KMT2B: variants seen among roughly 807,000 people sequenced by gnomAD.
The protein encoded by KMT2B is histone-lysine N-methyltransferase 2B.
In KMT2B, 22 loss-of-function variants were observed where a neutral mutation model predicts 255.3. The ratio of observed to expected loss-of-function variants is 0.09; its 90% CI spans 0.06 to 0.12. The LOEUF is 0.12. KMT2B is among the 10% of genes least tolerant of loss of function. KMT2B has a pLI of 1.00. For synonymous variants in KMT2B, 1,730 were observed against 1,498.1 expected (o/e 1.15, Z -3.57); for missense variants, 3,149 against 3,737.0 (o/e 0.84, Z 4.10).
At chr19:35,736,856 G>A (rs1568384837) in intron 31 of KMT2B, 29 bp downstream of exon 31, 1 of 1,613,936 alleles carries the variant, frequency 6.2e-7, no homozygotes, top group Admixed American at 1.7e-5. Context: ...GTGGCAGGAG[G>A]GAGAGTGTCC....
chr19:35,727,247 T>C lies in KMT2B; in HGVS notation c.4095T>C (p.His1365=), dbSNP rs764268126. The change falls in exon 15 of 37, where the codon CAT becomes CAC. Residue 1365 remains histidine, a synonymous_variant. Transcript: ENST00000420124. The surrounding 1 kb of genome is among the most constrained non-coding windows in gnomAD (Gnocchi z 4.2). ...GCGCACAGTGCGATCACTGGGTGCA[T>C]GCCAAGTGCGAGGGGCTCTCAGGTG... The part of the protein sequence containing the change: ...MQCAQCDHWV[H]AKCEGLSDED... 1.5e-5 allele frequency: 25 copies of C among 1,613,038 alleles called. No homozygotes were observed. The highest frequency in any genetic ancestry group is 2.7e-5 in the African/African-American group (2 of 74,884).
chr19:35,734,709 G>A (rs1969851301), intron 30 of KMT2B, among the ~76,000 whole-genome samples: 1 of 152,324 alleles, frequency 6.6e-6, no homozygotes, highest in Admixed American at 6.5e-5. Context: ...GAAGCTGGCG[G>A]TGGAGTGGTG....
chr19:35,737,404 A>ACGGAGCCT lies in KMT2B; in HGVS notation c.7550+141_7550+142insCGGAGCCT. 9.8e-7 allele frequency: 1 copy of ACGGAGCCT among 1,020,852 alleles called. No homozygotes were observed. Among genetic ancestry groups the ACGGAGCCT allele is most frequent in the Non-Finnish European group, 1.4e-6 (1 of 724,830 alleles). The allele number at this position is 1,020,852 out of a possible 1,614,324, so 63.2% of individuals were successfully genotyped here. ...TGAAGAGTTATTTCTAGAGTTAGCC[A>ACGGAGCCT]GGCTCCGTGGCTCATGCCTGTAATC... is the stretch of plus-strand genomic sequence containing the variant. On this transcript the variant is annotated intron_variant, in intron 33 of 36. Transcript: ENST00000420124. This position sits in a 1 kb window ranked among gnomAD's most constrained non-coding sequence, Gnocchi z 5.3.
At position 35,728,012 on chromosome 19, in the gene KMT2B, G is replaced by A. The variant is rs1055407759; in HGVS notation, c.4497+27G>A. 1.9e-6 allele frequency: 3 copies of A among 1,549,134 alleles called. No homozygotes were observed. The East Asian group carries it at 7.2e-5, about 37-fold the overall frequency. On this transcript the variant is annotated intron_variant, in intron 18 of 36. Transcript: ENST00000420124. ...TGAGCTCTTCCGGGGATGCTTGTGG[G>A]GTGGGGGAGTGGGACCTTCAGACCC...
At position 35,732,348 on chromosome 19, in the gene KMT2B, A is replaced by C; in HGVS notation, c.5799A>C (p.Leu1933=). The change falls in exon 28 of 37, where the codon CTA becomes CTC. Residue 1933 remains leucine, a synonymous_variant. Transcript: ENST00000420124. ...PPPSRWASPP[L]KTSPQLRVPP... is the part of the protein sequence containing the mutation. ...CATCACGGTGGGCCTCCCCTCCTCT[A>C]AAAACCTCCCCTCAGCTCAGGGTGC... 6.2e-7 allele frequency: 1 copy of C among 1,611,762 alleles called. No homozygotes were observed. The highest frequency in any genetic ancestry group is 8.5e-7 in the Non-Finnish European group (1 of 1,178,968).
At position 35,733,360 on chromosome 19, in the gene KMT2B, C is replaced by T. The variant is rs1277012588; in HGVS notation, c.6811C>T (p.Pro2271Ser). The T allele has an allele frequency of 6.5e-7, 1 of 1,547,990 alleles. No homozygotes were observed. The highest frequency in any genetic ancestry group is 8.7e-7 in the Non-Finnish European group (1 of 1,145,654). Reference protein sequence around the residue: ...TLVLSSGPASPPRQAIRVKRV... With the variant: ...TLVLSSGPASSPRQAIRVKRV... ...GGTGCTGAGCAGTGGGCCAGCCAGC[C>T]CGCCCCGCCAGGCCATCCGCGTCAA... The change falls in exon 28 of 37, where the codon CCG becomes TCG. Residue 2271 changes from proline to serine, a missense_variant. Physicochemically the swap from Pro to Ser is moderately conservative, Grantham distance 74. Transcript: ENST00000420124. The surrounding 1 kb of genome is among the most constrained non-coding windows in gnomAD (Gnocchi z 4.3).
Position 35,720,360 on chromosome 19 carries a change from A to C in KMT2B, c.1013A>C (p.Asp338Ala). 6.2e-7 allele frequency: 1 copy of C among 1,603,946 alleles called. No homozygotes were observed. The highest frequency in any genetic ancestry group is 8.5e-7 in the Non-Finnish European group (1 of 1,175,208). The change falls in exon 3 of 37, where the codon GAT (aspartate) becomes GCT (alanine). Residue 338 changes from aspartate to alanine, a missense_variant. This residue lies in a region of KMT2B where 1,188 missense variants were observed against 1,106.4 expected (regional missense o/e 1.07). Coordinates refer to ENST00000420124, the MANE Select transcript of KMT2B (RefSeq NM_014727.3). The stretch of plus-strand genomic sequence containing the variant: ...GGTCAACATGAGGAAAGTTGGCAGG[A>C]TGTCCCCCAAAGAAGAGTTGGATCT... ...GQGQHEESWQ[D>A]VPQRRVGSGQ... is the part of the protein sequence containing the mutation.
rs1432302115 is a variant in KMT2B, at chr19:35,721,445, A to G, written c.2098A>G (p.Asn700Asp). ...TGAGCCTCGGGCAGTGGGCCGCACC[A>G]ACCACCTCAGCCTGCCTCGATTCGC... ...EPEPRAVGRT[N>D]HLSLPRFAPV... Residue 700 changes from asparagine (N) to aspartate (D), a missense_variant, in exon 3 of 37, where the codon AAC (asparagine) becomes GAC (aspartate). Transcript: ENST00000420124. The G allele has an allele frequency of 6.2e-7, 1 of 1,612,306 alleles. No homozygotes were observed. Among genetic ancestry groups the G allele is most frequent in the Non-Finnish European group, 8.5e-7 (1 of 1,179,790 alleles).
chr19:35,725,645 C>T lies in KMT2B; in HGVS notation c.3789+20C>T, dbSNP rs200846729. Reference sequence around the variant, plus strand: ...TCCAAGGTTTGGGCCCAAGGGCTGGCCAGGGTGGGTGGAGGCCTGAAGGTG... The same window carrying T: ...TCCAAGGTTTGGGCCCAAGGGCTGGTCAGGGTGGGTGGAGGCCTGAAGGTG... On this transcript the variant is annotated intron_variant, in intron 12 of 36. Coordinates refer to ENST00000420124, the MANE Select transcript of KMT2B (RefSeq NM_014727.3). The surrounding 1 kb of genome is among the most constrained non-coding windows in gnomAD (Gnocchi z 4.1). 26 of 1,612,298 alleles carry T rather than the reference C, an allele frequency of 1.6e-5. No homozygotes were observed. The East Asian group carries it at 5.8e-4, about 36-fold the overall frequency.
chr19:35,726,209 T>C (rs1969435019), intron 13 of KMT2B, 27 bp from the exon 14 acceptor site: 2 of 1,572,376 alleles, frequency 1.3e-6, no homozygotes, highest in Non-Finnish European at 1.7e-6. Context: ...TGCCTGGTTT[T>C]CCCCTAACAT....
chr19:35,731,587 C>T (rs1480083940), intron 26 of KMT2B, among the ~76,000 whole-genome samples: 1 of 152,138 alleles, frequency 6.6e-6, no homozygotes, highest in Non-Finnish European at 1.5e-5. Context: ...GGCTTGGATG[C>T]ACCAGGCAAG....
rs375893440 is a variant in KMT2B, at chr19:35,726,431, C to A, written c.4003+78C>A. ...GCTCTTTTACAGGCTTTAGCACAGACCCTCTTTTCTCATGGCTTTCCACCT... is the reference window on the plus strand; with the variant it reads ...GCTCTTTTACAGGCTTTAGCACAGAACCTCTTTTCTCATGGCTTTCCACCT... On this transcript the variant is annotated intron_variant, in intron 14 of 36. Transcript: ENST00000420124. 5.2e-6 allele frequency: 5 copies of A among 955,254 alleles called. 1 individual carries two copies. In the South Asian group the frequency reaches 5.3e-5, roughly 10 times the overall value. The allele number at this position is 955,254 out of a possible 1,614,324, so 59.2% of individuals were successfully genotyped here. A position where few individuals can be genotyped will look rare whatever the true frequency, so the allele number is the denominator to read the frequency against.
At chr19:35,722,330 A>G in intron 3 of KMT2B, 29 bp from the exon 4 acceptor site, 3 of 1,578,184 alleles carry the variant, frequency 1.9e-6, no homozygotes, top group Non-Finnish European at 2.6e-6. Context: ...CTCACTGTCC[A>G]GCCCCTGACC....
chr19:35,723,592 A>G lies in KMT2B; in HGVS notation c.3058+90A>G. The stretch of plus-strand genomic sequence containing the variant: ...GTTTTTCTTTGCTCTCCTCCCTTGC[A>G]GCTCACCCTCTCCATCTTCTCCGTT... On this transcript the variant is annotated intron_variant, in intron 7 of 36. Coordinates refer to ENST00000420124, the MANE Select transcript of KMT2B (RefSeq NM_014727.3). This position sits in a 1 kb window ranked among gnomAD's most constrained non-coding sequence, Gnocchi z 7.5. The G allele has an allele frequency of 7.5e-7, 1 of 1,332,850 alleles. No individual in the cohort carries two copies. The highest frequency in any genetic ancestry group is 1.0e-6 in the Non-Finnish European group (1 of 972,556). The allele number at this position is 1,332,850 out of a possible 1,614,324, so 82.6% of individuals were successfully genotyped here.
At chr19:35,729,571 G>A (rs182827808) in intron 22 of KMT2B, among the ~76,000 whole-genome samples, 68 of 152,286 alleles carry the variant, frequency 4.5e-4, no homozygotes, top group Non-Finnish European at 8.2e-4. Context: ...GTGGCGTTGA[G>A]CTCTCACTAC....
chr19:35,719,436 G>GT, intron 1 of KMT2B, 33 bp from the exon 2 acceptor site: 2 of 1,518,992 alleles, frequency 1.3e-6, no homozygotes, highest in Non-Finnish European at 1.8e-6. Context: ...ACTGACTGCT[G>GT]TTTCTCCCCT....
chr19:35,724,095 C>A, intron 8 of KMT2B, 88 bp downstream of exon 8: 1 of 1,288,912 alleles, frequency 7.8e-7, no homozygotes, highest in Non-Finnish European at 1.1e-6. Context: ...AGACCCAGGG[C>A]TCTGTCAGTC....
intron 26 of KMT2B, among the ~76,000 whole-genome samples, chr19:35,731,219 G>T (rs1233456850): frequency 6.6e-6 from 1 of 152,220 alleles, no homozygotes; most frequent in Non-Finnish European, 1.5e-5. Context: ...GCTGAACACA[G>T]TAACATGCTA....
Position 35,738,021 on chromosome 19 carries a change from T to TC in KMT2B, c.7743-36dup. 1 of 1,612,952 alleles carries TC rather than the reference T, an allele frequency of 6.2e-7. No homozygotes were observed. Among genetic ancestry groups the TC allele is most frequent in the Non-Finnish European group, 8.5e-7 (1 of 1,179,504 alleles). The stretch of plus-strand genomic sequence containing the variant: ...GGTAGGGGGTACTGTCTGGTTTCTG[T>TC]CCCCCTCCCCCCTGAGTTCCCTGTT... On this transcript the variant is annotated intron_variant, in intron 35 of 36. Transcript: ENST00000420124. This position sits in a 1 kb window ranked among gnomAD's most constrained non-coding sequence, Gnocchi z 8.7.
Sources: allele counts gnomAD v4.1 joint callset (sites outside exome capture counted in the v4.1 genomes callset), GRCh38; gene constraint gnomAD v4.1.1; regional missense constraint gnomAD v4.1.1; non-coding constraint Gnocchi (gnomAD v3.1); transcripts MANE v1.5; gene names NCBI Gene and HGNC (gene_info 2026-07-23, HGNC 2026-07-21).